RGS11: variants seen among roughly 807,000 people sequenced by gnomAD.
RGS11 encodes regulator of G protein signaling 11, also known as regulator of G-protein signaling 11.
A neutral mutation model predicts 71.1 loss-of-function variants in RGS11; 86 were observed. That is an observed-to-expected ratio of 1.21 (90% CI 1.02 to 1.45). RGS11 has a LOEUF of 1.45. Ranked by LOEUF, RGS11 falls within the 40% of genes most tolerant of loss-of-function variation. The probability of loss-of-function intolerance (pLI) is 0.00; values close to 1 mark genes in which losing one functional copy is unlikely to be tolerated. For synonymous variants in RGS11, 298 were observed against 254.2 expected, an observed-to-expected ratio of 1.17 and a Z score of -1.64; for missense variants, 734 against 635.1, an observed-to-expected ratio of 1.16 and a Z score of -1.67.
In RGS11 at chr16:274,281, G is replaced by A; in HGVS notation, c.319-16C>T. 6.2e-7 allele frequency: 1 copy of A among 1,606,674 alleles called. No individual in the cohort carries two copies. The highest frequency in any genetic ancestry group is 1.1e-5 in the South Asian group (1 of 89,762). The stretch of plus-strand genomic sequence containing the variant: ...AGTACGGGGTCTGGCGTGGTGCAGG[G>A]AGAAGGTGTCCAGGACGCCTGCGTC... On this transcript the variant is annotated splice_polypyrimidine_tract_variant and intron_variant, in intron 4 of 16. Coordinates refer to ENST00000397770, the MANE Select transcript of RGS11 (RefSeq NM_183337.3).
At position 275,005 on chromosome 16, in the gene RGS11, G is replaced by C; in HGVS notation, c.289C>G (p.Arg97Gly). The change falls in exon 4 of 17, where the codon CGG (arginine) becomes GGG (glycine). Residue 97 changes from arginine (R) to glycine (G), a missense_variant. Physicochemically the swap from Arg to Gly is moderately radical, Grantham distance 125. Transcript: ENST00000397770. ...PLRDPRSLML[R>G]PDETPYRFQT... The stretch of plus-strand genomic sequence containing the variant: ...AACCTGTAGGGCGTCTCGTCTGGCC[G>C]GAGCATGAGGCTACGGGGGTCGCGC... 6.5e-7 allele frequency: 1 copy of C among 1,533,860 alleles called. No individual in the cohort carries two copies. The highest frequency in any genetic ancestry group is 8.8e-7 in the Non-Finnish European group (1 of 1,137,824).
rs1198769877 is a variant in RGS11, at chr16:270,786, C to A, written c.1025G>T (p.Gly342Val). 3.1e-6 allele frequency: 5 copies of A among 1,612,440 alleles called. No homozygotes were observed. The African/African-American group carries it at 5.3e-5, about 17-fold the overall frequency. Residue 342 changes from glycine (G) to valine (V), a missense_variant, in exon 14 of 17, where the codon GGA becomes GTA. Gly to Val is a moderately radical substitution (Grantham distance 109). Coordinates refer to ENST00000397770, the MANE Select transcript of RGS11 (RefSeq NM_183337.3). ...CAGGGTGGGGACCTGGGCCTGCGCT[C>A]CATATCGAAGCTCCTCACATGCCTC... ...FWEACEELRY[G>V]AQAQVPTLVD...
intron 9 of RGS11, chr16:272,602 T>A: frequency 9.3e-6 from 13 of 1,399,370 alleles, no homozygotes; most frequent in Middle Eastern, 2.6e-4. Flanking sequence ...AAGAGCCCCC[T>A]TCCTCCCCGC....
At chr16:270,156 G>A (rs1218617854) in intron 15 of RGS11, among the ~76,000 whole-genome samples, 1 of 152,174 alleles carries the variant, frequency 6.6e-6, no homozygotes, top group Non-Finnish European at 1.5e-5. Context: ...GGCTGAGGCA[G>A]GAGGATGGCG....
intron 9 of RGS11, chr16:272,619 C>T (rs2051988363): frequency 6.9e-7 from 1 of 1,458,426 alleles, no homozygotes; most frequent in African/African-American, 1.4e-5. Context: ...CCGCCAGCCC[C>T]CTCGTCCCCA....
Position 268,831 on chromosome 16 carries a change from A to G in RGS11, c.*438T>C, listed in dbSNP as rs1006446419. 1.3e-6 allele frequency: 2 copies of G among 1,550,286 alleles called. No homozygotes were observed. The highest frequency in any genetic ancestry group is 1.7e-6 in the Non-Finnish European group (2 of 1,146,914). On this transcript the variant is annotated 3_prime_UTR_variant, in exon 17 of 17. Coordinates refer to ENST00000397770, the MANE Select transcript of RGS11 (RefSeq NM_183337.3). ...TGGACGGGGCAGAGCTCGCGCCGAG[A>G]CCTGCATGTCCGCGTCTTGTGACGG... is the stretch of plus-strand genomic sequence containing the variant.
intron 9 of RGS11, chr16:272,238 A>G: frequency 8.3e-7 from 1 of 1,198,964 alleles, no homozygotes; most frequent in Non-Finnish European, 1.1e-6. Context: ...TGTGACCTTC[A>G]TTGGTCGGCA....
At chr16:270,469 G>C in intron 15 of RGS11, 54 bp downstream of exon 15, 1 of 1,532,216 alleles carries the variant, frequency 6.5e-7, no homozygotes, top group Non-Finnish European at 8.8e-7. Flanking sequence ...GTGGGGACAT[G>C]GAGGCCCGTC....
intron 9 of RGS11, chr16:272,583 G>A (rs1162154810): frequency 6.9e-7 from 1 of 1,455,660 alleles, no homozygotes; most frequent in Admixed American, 2.2e-5. Context: ...CCCTGATACT[G>A]TTCTGGAGAA....
chr16:270,599 G>T lies in RGS11; in HGVS notation c.1130C>A (p.Thr377Asn). The T allele has an allele frequency of 6.2e-7, 1 of 1,608,606 alleles. No homozygotes were observed. Among genetic ancestry groups the T allele is most frequent in the Non-Finnish European group, 8.5e-7 (1 of 1,178,158 alleles). Reference sequence around the variant, plus strand: ...GTGGGGCTGGCGCAGCCCCTCCAGGGTCTGCTCCATGGTCCGGCTGTCGAT... The same window carrying T: ...GTGGGGCTGGCGCAGCCCCTCCAGGTTCTGCTCCATGGTCCGGCTGTCGAT... ...VNIDSRTMEQ[T>N]LEGLRQPHRY... Residue 377 changes from threonine to asparagine, a missense_variant, in exon 15 of 17, where the codon ACC (threonine) becomes AAC (asparagine). By Grantham distance (65) the Thr-to-Asn change is moderately conservative. Coordinates refer to ENST00000397770, the MANE Select transcript of RGS11 (RefSeq NM_183337.3).
intron 9 of RGS11, chr16:272,534 G>T: frequency 2.8e-6 from 4 of 1,405,810 alleles, no homozygotes; most frequent in Non-Finnish European, 3.8e-6. Context: ...TCTGTCAGAG[G>T]CCGTAACCCT....
In RGS11 at chr16:268,759, C is replaced by T. The variant is rs1025131168; in HGVS notation, c.*510G>A. 51 of 1,548,736 alleles carry T rather than the reference C, an allele frequency of 3.3e-5. No individual in the cohort carries two copies. Among genetic ancestry groups the T allele is most frequent in the Middle Eastern group, 3.3e-4 (2 of 6,008 alleles). On this transcript the variant is annotated 3_prime_UTR_variant, in exon 17 of 17. Coordinates refer to ENST00000397770, the MANE Select transcript of RGS11 (RefSeq NM_183337.3). ...CGAGGCAGCCTCAGCACGGCACTCTCTTGGGTCCTCTTCCAGGCTCACACT... is the reference window on the plus strand; with the variant it reads ...CGAGGCAGCCTCAGCACGGCACTCTTTTGGGTCCTCTTCCAGGCTCACACT...
At chr16:273,731 AGGCGG>A in intron 7 of RGS11, 24 bp downstream of exon 7, 1 of 1,598,268 alleles carries the variant, frequency 6.3e-7, no homozygotes. Flanking sequence ...GGGCGCCTGC[AGGCGG>A]GGCGGGGCAG....
In RGS11 at chr16:269,298, C is replaced by T; in HGVS notation, c.1375G>A (p.Gly459Ser). The T allele has an allele frequency of 6.3e-7, 1 of 1,584,490 alleles. No homozygotes were observed. The highest frequency in any genetic ancestry group is 8.6e-7 in the Non-Finnish European group (1 of 1,166,916). Residue 459 changes from glycine (G) to serine (S), a missense_variant, in exon 17 of 17, where the codon GGC becomes AGC. Gly to Ser is a moderately conservative substitution (Grantham distance 56, BLOSUM62 0). Transcript: ENST00000397770. ...PTPVEPTAAC[G>S]PGGGDGVA ...GCCACCCCATCTCCACCCCCAGGGC[C>T]ACAAGCCGCTGTGGGCTCCACAGGG...
In RGS11 at chr16:269,012, G is replaced by C; in HGVS notation, c.*257C>G. The C allele has an allele frequency of 7.1e-7, 1 of 1,411,558 alleles. No individual in the cohort carries two copies. Among genetic ancestry groups the C allele is most frequent in the East Asian group, 2.5e-5 (1 of 40,296 alleles). The allele number at this position is 1,411,558 out of a possible 1,614,324, so 87.4% of individuals were successfully genotyped here. ...TGGTCTCACCTCTCTTCAGGTAACA[G>C]GCTCTGCCCTGACCCAAGCTGAGCC... On this transcript the variant is annotated 3_prime_UTR_variant, in exon 17 of 17. Coordinates refer to ENST00000397770, the MANE Select transcript of RGS11 (RefSeq NM_183337.3).
chr16:274,189 T>G, intron 5 of RGS11, 25 bp downstream of exon 5: 1 of 1,603,864 alleles, frequency 6.2e-7, no homozygotes, highest in Non-Finnish European at 8.5e-7. Flanking sequence ...GGAACTTGTC[T>G]GGGGCCAGCC....
At chr16:275,811 G>T (rs1225230017) in intron 1 of RGS11, 38 bp downstream of exon 1, 1 of 945,400 alleles carries the variant, frequency 1.1e-6, no homozygotes. Context: ...CGGGCGCCGG[G>T]AAATCGGGGG....
rs746717778 is a variant in RGS11, at chr16:270,793, G to C, written c.1018C>G (p.Arg340Gly). The stretch of plus-strand genomic sequence containing the variant: ...GGGACCTGGGCCTGCGCTCCATATC[G>C]AAGCTCCTCACATGCCTCCCAGAAG... ...LSFWEACEEL[R>G]YGAQAQVPTL... is the part of the protein sequence containing the mutation. The change falls in exon 14 of 17, where the codon CGA becomes GGA. Residue 340 changes from arginine to glycine, a missense_variant. Transcript: ENST00000397770. 2 of 1,612,454 alleles carry C rather than the reference G, an allele frequency of 1.2e-6. No homozygotes were observed. Among genetic ancestry groups the C allele is most frequent in the Non-Finnish European group, 1.7e-6 (2 of 1,179,872 alleles).
chr16:270,569 T>C lies in RGS11; in HGVS notation c.1160A>G (p.Tyr387Cys). The C allele has an allele frequency of 6.2e-7, 1 of 1,609,092 alleles. No homozygotes were observed. The highest frequency in any genetic ancestry group is 8.5e-7 in the Non-Finnish European group (1 of 1,178,244). ...TLEGLRQPHR[Y>C]VLDDAQLHIY... ...GTGCAGCTGGGCGTCATCCAGGACATAGCGGTGGGGCTGGCGCAGCCCCTC... is the reference window on the plus strand; with the variant it reads ...GTGCAGCTGGGCGTCATCCAGGACACAGCGGTGGGGCTGGCGCAGCCCCTC... Residue 387 changes from tyrosine (Y) to cysteine (C), a missense_variant, in exon 15 of 17, where the codon TAT becomes TGT. Transcript: ENST00000397770.
Sources: allele counts gnomAD v4.1 joint callset (sites outside exome capture counted in the v4.1 genomes callset), GRCh38; gene constraint gnomAD v4.1.1; transcripts MANE v1.5; gene names NCBI Gene and HGNC (gene_info 2026-07-23, HGNC 2026-07-21).